Variants in TRPM3 observed in about 807,000 individuals in gnomAD.
The protein encoded by TRPM3 is transient receptor potential cation channel subfamily M member 3.
In TRPM3, 77 loss-of-function variants were observed where a neutral mutation model predicts 181.2. The ratio of observed to expected loss-of-function variants is 0.42; its 90% CI spans 0.35 to 0.51. TRPM3 has a LOEUF of 0.51. Among genes scored for constraint, TRPM3 ranks in the 20% least tolerant of loss-of-function variants. The probability of loss-of-function intolerance (pLI) is 0.01; values close to 1 mark genes in which losing one functional copy is unlikely to be tolerated. For synonymous variants in TRPM3, 745 were observed against 796.4 expected, an observed-to-expected ratio of 0.94 and a Z score of 1.09; for missense variants, 1,759 against 2,196.7, an observed-to-expected ratio of 0.80 and a Z score of 3.98.
At chr9:70,694,084 T>C (rs1197078098) in intron 8 of TRPM3, among the ~76,000 whole-genome samples, 1 of 152,154 alleles carries the variant, frequency 6.6e-6, no homozygotes, top group Non-Finnish European at 1.5e-5. Context: ...TTAGAGACTC[T>C]GAGAGACTCT....
intron 1 of TRPM3, among the ~76,000 whole-genome samples, chr9:71,284,467 C>T (rs539971882): frequency 2.1e-4 from 32 of 152,302 alleles, no homozygotes; most frequent in African/African-American, 7.0e-4. Context: ...GCCTAGGAGA[C>T]TCGATCAGAT....
intron 22 of TRPM3, among the ~76,000 whole-genome samples, chr9:70,585,106 T>C (rs2056832388): frequency 6.6e-6 from 1 of 152,184 alleles, no homozygotes; most frequent in Admixed American, 6.5e-5. Context: ...ATATACAGCA[T>C]TTCTCTCCCT....
intron 1 of TRPM3, among the ~76,000 whole-genome samples, chr9:70,896,452 T>C (rs917153059): frequency 5.3e-5 from 8 of 152,160 alleles, no homozygotes; most frequent in African/African-American, 1.7e-4. Flanking sequence ...ATTGATTACA[T>C]TAAGCAGATA....
In TRPM3 at chr9:70,966,675, A is replaced by C. The variant is rs1222124710; in HGVS notation, c.178-102164T>G. Among the ~76,000 whole-genome samples, 3 of 152,094 alleles carry C rather than the reference A, an allele frequency of 2.0e-5. No homozygotes were observed. The East Asian group carries it at 5.8e-4, about 29-fold the overall frequency. On this transcript the variant is annotated intron_variant, in intron 1 of 25. Coordinates refer to ENST00000677713, the MANE Select transcript of TRPM3 (RefSeq NM_001366145.2). Reference sequence around the variant, plus strand: ...CAAACACCGCGTGTTCTCACTTATAAGTGGGAGCTAAATGATGAGAACAAA... The same window carrying C: ...CAAACACCGCGTGTTCTCACTTATACGTGGGAGCTAAATGATGAGAACAAA...
At chr9:71,424,414 G>A (rs920966054) in intron 1 of TRPM3, among the ~76,000 whole-genome samples, 1 of 152,072 alleles carries the variant, frequency 6.6e-6, no homozygotes, top group Non-Finnish European at 1.5e-5. Flanking sequence ...TGTGCTAGGT[G>A]TCAGGAATTC....
chr9:70,556,598 TG>T (rs954281896), intron 22 of TRPM3, among the ~76,000 whole-genome samples: 2 of 152,176 alleles, frequency 1.3e-5, no homozygotes, highest in African/African-American at 2.4e-5. Flanking sequence ...GGCACACACC[TG>T]TAGTCACAGC....
chr9:71,199,376 T>C (rs1281024673), intron 1 of TRPM3, among the ~76,000 whole-genome samples: 2 of 152,216 alleles, frequency 1.3e-5, no homozygotes, highest in Non-Finnish European at 2.9e-5. Flanking sequence ...ATCAGAATGA[T>C]GCTAGCCTCA....
chr9:71,262,517 G>T (rs543202571), intron 1 of TRPM3, among the ~76,000 whole-genome samples: 5 of 152,268 alleles, frequency 3.3e-5, no homozygotes, highest in Non-Finnish European at 7.4e-5. Flanking sequence ...CTTTCCAAGG[G>T]AGTGAACAGT....
chr9:70,779,926 T>G (rs1279628407), intron 7 of TRPM3, among the ~76,000 whole-genome samples: 5 of 152,306 alleles, frequency 3.3e-5, no homozygotes, highest in African/African-American at 1.2e-4. Context: ...AGGTACTATA[T>G]GCCATAGAGC....
chr9:71,159,622 G>A (rs1300436861), intron 1 of TRPM3, among the ~76,000 whole-genome samples: 2 of 152,148 alleles, frequency 1.3e-5, no homozygotes, highest in African/African-American at 2.4e-5. Context: ...ACTAGCCTTG[G>A]AGTAAAAGGG....
intron 1 of TRPM3, among the ~76,000 whole-genome samples, chr9:71,149,039 G>T (rs1402417031): frequency 6.6e-6 from 1 of 152,088 alleles, no homozygotes; most frequent in African/African-American, 2.4e-5. Context: ...GAAATAAAAA[G>T]ATTAGATCTA....
chr9:70,970,938 C>G (rs1054964196), intron 1 of TRPM3, among the ~76,000 whole-genome samples: 6 of 152,138 alleles, frequency 3.9e-5, no homozygotes, highest in Non-Finnish European at 8.8e-5. Context: ...AAAACCCAAA[C>G]TGAAAGAAAA....
At chr9:70,695,673 T>G (rs987100978) in intron 8 of TRPM3, among the ~76,000 whole-genome samples, 1 of 152,206 alleles carries the variant, frequency 6.6e-6, no homozygotes, top group Non-Finnish European at 1.5e-5. Context: ...CCAACATTGG[T>G]GACAACATTA....
At chr9:70,885,045 C>T (rs145647935) in intron 1 of TRPM3, among the ~76,000 whole-genome samples, 78 of 152,214 alleles carry the variant, frequency 5.1e-4, no homozygotes, top group Admixed American at 1.7e-3. Flanking sequence ...TGCAATGTGC[C>T]CAACCCCCTG....
At chr9:71,134,589 A>C (rs2074649226) in intron 1 of TRPM3, among the ~76,000 whole-genome samples, 1 of 151,818 alleles carries the variant, frequency 6.6e-6, no homozygotes, top group Admixed American at 6.6e-5. Context: ...TCTTTCTCAC[A>C]AACATTATCT....
chr9:71,261,788 G>T (rs1354815914), intron 1 of TRPM3, among the ~76,000 whole-genome samples: 1 of 152,126 alleles, frequency 6.6e-6, no homozygotes, highest in Non-Finnish European at 1.5e-5. Flanking sequence ...GGAGTTTGTT[G>T]TGGGTCCACT....
chr9:71,224,361 T>C (rs1335182105), intron 1 of TRPM3, among the ~76,000 whole-genome samples: 1 of 152,218 alleles, frequency 6.6e-6, no homozygotes, highest in Non-Finnish European at 1.5e-5. Flanking sequence ...CTAATGCAGA[T>C]ATAGCTAAAG....
At chr9:71,188,539 T>C (rs970241583) in intron 1 of TRPM3, among the ~76,000 whole-genome samples, 2 of 151,948 alleles carry the variant, frequency 1.3e-5, no homozygotes, top group East Asian at 1.9e-4. Context: ...ATGATTATTA[T>C]AATGTTGCAT....
intron 1 of TRPM3, among the ~76,000 whole-genome samples, chr9:71,370,606 G>A (rs1447862482): frequency 6.6e-6 from 1 of 152,184 alleles, no homozygotes; most frequent in Non-Finnish European, 1.5e-5. Flanking sequence ...GAAGCTAGCA[G>A]AAGTTATTTC....
Sources: gnomAD v4.1 joint callset for allele counts (sites outside exome capture counted in the v4.1 genomes callset) on GRCh38, gnomAD v4.1.1 for gene constraint, MANE v1.5 for transcripts, NCBI Gene and HGNC (gene_info 2026-07-23, HGNC 2026-07-21) for gene names.